The following ACOXL variants were observed in gnomAD, a reference collection of about 807,000 sequenced individuals.
The protein encoded by ACOXL is acyl-coenzyme A oxidase-like protein.
In ACOXL, 70 loss-of-function variants were observed where a neutral mutation model predicts 71.9. That is an observed-to-expected ratio of 0.97 (90% CI 0.80 to 1.19). The LOEUF (loss-of-function observed/expected upper bound fraction) is 1.19. ACOXL is among the 50% of genes most tolerant of loss of function. The pLI is 0.00. For synonymous variants in ACOXL, 253 were observed against 281.6 expected, an observed-to-expected ratio of 0.90 and a Z score of 1.02; for missense variants, 703 against 736.3, an observed-to-expected ratio of 0.95 and a Z score of 0.52.
rs2066538931 is a variant in ACOXL, at chr2:111,056,384, C to T, written c.1440+7096C>T. 3.3e-5 allele frequency among the ~76,000 whole-genome samples: 5 copies of T among 152,254 alleles called. No homozygotes were observed. In the South Asian group the frequency reaches 1.0e-3, roughly 32 times the overall value. On this transcript the variant is annotated intron_variant, in intron 16 of 17. Transcript: ENST00000439055. ...CCTATGTCAAGTATTCTGCAAAGCT[C>T]AGCTCAAACCAACCCCCCAAATTAT... is the stretch of plus-strand genomic sequence containing the variant.
chr2:110,914,653 T>C (rs2059772341), intron 11 of ACOXL, among the ~76,000 whole-genome samples: 1 of 152,234 alleles, frequency 6.6e-6, no homozygotes, highest in Non-Finnish European at 1.5e-5. Flanking sequence ...TTATTTCTTT[T>C]AATTTTTGTT....
intron 12 of ACOXL, among the ~76,000 whole-genome samples, chr2:110,942,888 A>C (rs917885931): frequency 6.9e-6 from 1 of 144,504 alleles, no homozygotes; most frequent in African/African-American, 2.7e-5. Flanking sequence ...TGAAAAAAAA[A>C]GGAAGGCAGG....
Position 111,015,916 on chromosome 2 carries a change from T to A in ACOXL, c.1282-15711T>A, listed in dbSNP as rs10191119. Among the ~76,000 whole-genome samples, 1,231 of 152,030 alleles carry A rather than the reference T, an allele frequency of 8.1e-3. 15 individuals are homozygous for A. The highest frequency in any genetic ancestry group is 0.028 in the African/African-American group (1,146 of 41,490). ...CATTTATGTGCCATTCAGTGAGGGG[T>A]GAAATTAGTTTTGTTTCTGTTTTCT... On this transcript the variant is annotated intron_variant, in intron 14 of 17. Coordinates refer to ENST00000439055, the MANE Select transcript of ACOXL (RefSeq NM_001142807.4).
Position 111,056,324 on chromosome 2 carries a change from C to G in ACOXL, c.1440+7036C>G, listed in dbSNP as rs74533403. 3.7e-3 allele frequency among the ~76,000 whole-genome samples: 558 copies of G among 152,228 alleles called. 10 individuals carry two copies. In the East Asian group the frequency reaches 0.046, roughly 13 times the overall value. On this transcript the variant is annotated intron_variant, in intron 16 of 17. Transcript: ENST00000439055. Reference sequence around the variant, plus strand: ...CCATTGAAGCCCGGGATACTTCACTCTCTTCACTCCTAGAGGTCCCCTGCA... The same window carrying G: ...CCATTGAAGCCCGGGATACTTCACTGTCTTCACTCCTAGAGGTCCCCTGCA...
rs150083943 is a variant in ACOXL at position 111,050,479 on chromosome 2, TC to T, written c.1440+1193del. The stretch of plus-strand genomic sequence containing the variant: ...GTTCTATTCTGCAAGGACCTTTCCT[TC>T]CAGGTGCAGGCTGGCTTTCCATGAC... On this transcript the variant is annotated intron_variant, in intron 16 of 17. Coordinates refer to ENST00000439055, the MANE Select transcript of ACOXL (RefSeq NM_001142807.4). 2.0e-3 allele frequency among the ~76,000 whole-genome samples: 300 copies of T among 152,322 alleles called. 5 individuals carry two copies. In the East Asian group the frequency reaches 0.047, roughly 24 times the overall value.
chr2:110,908,192 A>G (rs2059527293), intron 10 of ACOXL, among the ~76,000 whole-genome samples: 1 of 152,228 alleles, frequency 6.6e-6, no homozygotes, highest in Non-Finnish European at 1.5e-5. Flanking sequence ...AAATTGTTCC[A>G]AGGAAAGCCT....
intron 12 of ACOXL, among the ~76,000 whole-genome samples, chr2:110,945,437 G>A (rs971131469): frequency 1.3e-4 from 20 of 151,360 alleles, no homozygotes; most frequent in Admixed American, 1.3e-3. Context: ...GTCCAGAATG[G>A]CATTTCCTAG....
At chr2:111,072,451 G>A (rs752160245) in intron 16 of ACOXL, among the ~76,000 whole-genome samples, 8 of 152,302 alleles carry the variant, frequency 5.3e-5, no homozygotes, top group Admixed American at 2.0e-4. Flanking sequence ...GTACTGGTCC[G>A]TTGTGTGGAT....
chr2:110,886,597 T>A (rs918953591), intron 10 of ACOXL, among the ~76,000 whole-genome samples: 1 of 152,082 alleles, frequency 6.6e-6, no homozygotes, highest in African/African-American at 2.4e-5. Flanking sequence ...CAGGCTGGTC[T>A]TGAATTCCTA....
chr2:111,044,489 C>T (rs956162538), intron 15 of ACOXL, among the ~76,000 whole-genome samples: 3 of 152,160 alleles, frequency 2.0e-5, no homozygotes, highest in Admixed American at 6.5e-5. Flanking sequence ...AGGGCCCTGG[C>T]GCAAAGATTG....
intron 12 of ACOXL, among the ~76,000 whole-genome samples, chr2:110,972,094 C>T (rs1558808176): frequency 1.3e-5 from 2 of 152,148 alleles, no homozygotes; most frequent in African/African-American, 4.8e-5. Context: ...ACAGGGACTC[C>T]TTGTTGTTTA....
intron 9 of ACOXL, among the ~76,000 whole-genome samples, chr2:110,825,434 C>T (rs1306623209): frequency 6.6e-6 from 1 of 152,060 alleles, no homozygotes; most frequent in East Asian, 1.9e-4. Context: ...CCTCAGTAGT[C>T]ATTTTTCTTA....
chr2:110,895,327 G>T (rs1370082390), intron 10 of ACOXL, among the ~76,000 whole-genome samples: 1 of 151,966 alleles, frequency 6.6e-6, no homozygotes, highest in East Asian at 1.9e-4. Flanking sequence ...ACAGAGGAAA[G>T]AATCAGTAAA....
chr2:110,795,111 G>A (rs1425182888), intron 5 of ACOXL, among the ~76,000 whole-genome samples: 1 of 152,220 alleles, frequency 6.6e-6, no homozygotes, highest in African/African-American at 2.4e-5. Flanking sequence ...GCACGTGCCC[G>A]AGCGTGGCTG....
chr2:110,933,994 A>C (rs1177591104), intron 12 of ACOXL, among the ~76,000 whole-genome samples: 1 of 152,216 alleles, frequency 6.6e-6, no homozygotes, highest in Non-Finnish European at 1.5e-5. Context: ...AACACAGGAA[A>C]TGACCCCAAG....
chr2:110,995,517 A>AAAAAAAAAAAAAAAAT (rs2063353917), intron 13 of ACOXL, among the ~76,000 whole-genome samples: 1 of 150,640 alleles, frequency 6.6e-6, no homozygotes, highest in African/African-American at 2.4e-5. Context: ...AAAAAAAAAA[A>AAAAAAAAAAAAAAAAT]AGAATTGTAT....
Position 110,799,179 on chromosome 2 carries a change from G to A in ACOXL, c.547+79G>A, listed in dbSNP as rs185911389. ...CTGACTCAAGGAGAATCTAACCTAC[G>A]TTATATTACCGAAGCACTGAGGGTG... On this transcript the variant is annotated intron_variant, in intron 7 of 17. Coordinates refer to ENST00000439055, the MANE Select transcript of ACOXL (RefSeq NM_001142807.4). 3.5e-4 allele frequency: 491 copies of A among 1,406,568 alleles called. 2 individuals carry two copies. The African/African-American group carries it at 5.3e-3, about 15-fold the overall frequency. 87.1% of individuals were successfully genotyped at this position (1,406,568 alleles called of 1,614,324 possible). A position where few individuals can be genotyped will look rare whatever the true frequency, so the allele number is the denominator to read the frequency against.
intron 1 of ACOXL, among the ~76,000 whole-genome samples, chr2:110,764,650 G>C (rs1273245226): frequency 6.6e-6 from 1 of 152,132 alleles, no homozygotes; most frequent in Non-Finnish European, 1.5e-5. Flanking sequence ...CTGTGAATTT[G>C]GGTGATAATG....
intron 9 of ACOXL, among the ~76,000 whole-genome samples, chr2:110,810,681 C>A (rs1687216110): frequency 6.6e-6 from 1 of 152,194 alleles, no homozygotes; most frequent in Non-Finnish European, 1.5e-5. Context: ...ATCCAATAAT[C>A]CATTCATCCC....
Sources: allele counts gnomAD v4.1 joint callset (sites outside exome capture counted in the v4.1 genomes callset), GRCh38; gene constraint gnomAD v4.1.1; transcripts MANE v1.5; gene names NCBI Gene and HGNC (gene_info 2026-07-23, HGNC 2026-07-21).